The following NFATC3 variants were observed in gnomAD, a reference collection of about 807,000 sequenced individuals.
NFATC3 encodes nuclear factor of activated T-cells, cytoplasmic 3.
A neutral mutation model predicts 98.6 loss-of-function variants in NFATC3; 46 were observed. The observed-to-expected ratio is 0.47, with a 90% confidence interval of 0.37 to 0.60. The LOEUF is 0.60. Ranked by LOEUF, NFATC3 falls within the 20% of genes least tolerant of loss-of-function variation. The probability of loss-of-function intolerance (pLI) is 0.00; values close to 1 mark genes in which losing one functional copy is unlikely to be tolerated. For missense variants in NFATC3, 1,256 were observed against 1,295.5 expected, an observed-to-expected ratio of 0.97 and a Z score of 0.47; for synonymous variants, 512 against 472.2, an observed-to-expected ratio of 1.08 and a Z score of -1.09.
chr16:68,103,221 G>A (rs1271254809), intron 1 of NFATC3, among the ~76,000 whole-genome samples: 1 of 144,754 alleles, frequency 6.9e-6, no homozygotes, highest in Non-Finnish European at 1.5e-5. Flanking sequence ...ATTTTCTTCT[G>A]AGACAAGGTC....
rs139118192 is a variant in NFATC3, at chr16:68,107,210, C to T, written c.104-14777C>T. On this transcript the variant is annotated intron_variant, in intron 1 of 9. Transcript: ENST00000346183. ...TGAATAGTGCTGCAGTAAACATACA[C>T]ATGCATGTATCTTTATAATAGAATG... is the stretch of plus-strand genomic sequence containing the variant. 2.0e-5 allele frequency among the ~76,000 whole-genome samples: 3 copies of T among 152,308 alleles called. No homozygotes were observed. The East Asian group carries it at 5.8e-4, about 29-fold the overall frequency.
rs140603915 is a variant in NFATC3, at chr16:68,154,849, T to C, written c.1402-3020T>C. Among the ~76,000 whole-genome samples, 97 of 152,268 alleles carry C rather than the reference T, an allele frequency of 6.4e-4. No homozygotes were observed. The East Asian group carries it at 0.017, about 26-fold the overall frequency. On this transcript the variant is annotated intron_variant, in intron 3 of 9. Transcript: ENST00000346183. The stretch of plus-strand genomic sequence containing the variant: ...ATGCTGTGTAAACCATCATAGGGAA[T>C]TTGAATTAGTTCTAAATGTGGAGGG...
intron 1 of NFATC3, among the ~76,000 whole-genome samples, chr16:68,103,543 A>G (rs2035482383): frequency 6.6e-6 from 1 of 152,178 alleles, no homozygotes; most frequent in African/African-American, 2.4e-5. Flanking sequence ...GGTGCACAAA[A>G]GTTTTTAATT....
intron 9 of NFATC3, 124 bp from the exon 10 acceptor site, chr16:68,226,226 A>ACACT: frequency 8.4e-7 from 1 of 1,192,862 alleles, no homozygotes; most frequent in Non-Finnish European, 1.1e-6. Context: ...CAGGCTTCAG[A>ACACT]CACTGCCTTT....
At chr16:68,155,639 C>T (rs996814458) in intron 3 of NFATC3, among the ~76,000 whole-genome samples, 8 of 152,148 alleles carry the variant, frequency 5.3e-5, no homozygotes, top group Non-Finnish European at 1.0e-4. Flanking sequence ...AGAGACATTC[C>T]ACCCGCCAGG....
At chr16:68,144,923 G>T (rs1489688567) in intron 3 of NFATC3, among the ~76,000 whole-genome samples, 1 of 152,066 alleles carries the variant, frequency 6.6e-6, no homozygotes, top group Non-Finnish European at 1.5e-5. Context: ...CTCCCAAAGT[G>T]CTGGGATTAC....
At chr16:68,094,193 C>CT (rs2034884469) in intron 1 of NFATC3, among the ~76,000 whole-genome samples, 1 of 152,138 alleles carries the variant, frequency 6.6e-6, no homozygotes, top group Admixed American at 6.6e-5. Flanking sequence ...GCAGTTTACT[C>CT]TAAGGAGAAA....
intron 3 of NFATC3, among the ~76,000 whole-genome samples, chr16:68,137,241 A>G (rs1256741829): frequency 6.6e-6 from 1 of 152,024 alleles, no homozygotes; most frequent in African/African-American, 2.4e-5. Context: ...TTCCATAAAC[A>G]TTTTTCTATG....
intron 9 of NFATC3, among the ~76,000 whole-genome samples, chr16:68,192,447 A>G (rs570293944): frequency 2.6e-5 from 4 of 151,810 alleles, no homozygotes; most frequent in South Asian, 4.2e-4. Context: ...TCCAGAATAT[A>G]TAGTGAGATC....
At chr16:68,207,310 C>CA (rs112021651) in intron 9 of NFATC3, among the ~76,000 whole-genome samples, 1,951 of 114,858 alleles carry the variant, frequency 0.017, 38 homozygotes, top group African/African-American at 0.057. Context: ...AACTCCATCT[C>CA]AAAAAAAAAA....
rs528271637 is a variant in NFATC3, at chr16:68,140,681, A to G, written c.1401+14071A>G. Among the ~76,000 whole-genome samples, 5 of 152,276 alleles carry G rather than the reference A, an allele frequency of 3.3e-5. No homozygotes were observed. The East Asian group carries it at 9.6e-4, about 29-fold the overall frequency. ...TTTTAAATTGGAGATATTTTACCCA[A>G]AAGTCTGTTGAAATAAAAAAAAGGA... On this transcript the variant is annotated intron_variant, in intron 3 of 9. Transcript: ENST00000346183.
chr16:68,208,092 G>A (rs56136165), intron 9 of NFATC3, among the ~76,000 whole-genome samples: 1,990 of 152,008 alleles, frequency 0.013, 42 homozygotes, highest in African/African-American at 0.045. Flanking sequence ...CTGGAGTGTA[G>A]TGGCATGACC....
intron 8 of NFATC3, among the ~76,000 whole-genome samples, chr16:68,189,704 T>G (rs1172810427): frequency 4.6e-5 from 7 of 152,222 alleles, no homozygotes; most frequent in African/African-American, 1.7e-4. Flanking sequence ...TAGTTTTCAG[T>G]TATAAGTCCT....
At chr16:68,135,836 G>T (rs920544696) in intron 3 of NFATC3, among the ~76,000 whole-genome samples, 11 of 152,202 alleles carry the variant, frequency 7.2e-5, no homozygotes, top group Non-Finnish European at 7.3e-5. Flanking sequence ...GCCGAGGCAG[G>T]TGGATCACCC....
At chr16:68,129,201 G>A (rs976236872) in intron 3 of NFATC3, among the ~76,000 whole-genome samples, 1 of 152,134 alleles carries the variant, frequency 6.6e-6, no homozygotes, top group African/African-American at 2.4e-5. Flanking sequence ...GGAATTTGAG[G>A]CTGCAGTGAG....
chr16:68,209,672 C>A (rs759232819), intron 9 of NFATC3: 78 of 408,174 alleles, frequency 1.9e-4, no homozygotes, highest in Non-Finnish European at 3.8e-5. Flanking sequence ...ACCAAATCAA[C>A]CTACTTAAGG....
chr16:68,182,522 TTTTA>T lies in NFATC3; in HGVS notation c.1972-706_1972-703del, dbSNP rs529978997. On this transcript the variant is annotated intron_variant, in intron 7 of 9. Coordinates refer to ENST00000346183, the MANE Select transcript of NFATC3 (RefSeq NM_173165.3). Reference sequence around the variant, plus strand: ...ATTTGGATTATTTTATTTTTTTAATTTTTATTTATTTATTTTTAGATGGAGTCTA... The same window carrying T: ...ATTTGGATTATTTTATTTTTTTAATTTTTATTTATTTTTAGATGGAGTCTA... 2.5e-3 allele frequency among the ~76,000 whole-genome samples: 387 copies of T among 152,302 alleles called. 3 individuals are homozygous for T. The highest frequency in any genetic ancestry group is 8.9e-3 in the African/African-American group (368 of 41,562).
At chr16:68,112,747 T>C (rs2036044839) in intron 1 of NFATC3, among the ~76,000 whole-genome samples, 2 of 145,808 alleles carry the variant, frequency 1.4e-5, no homozygotes, top group Admixed American at 1.4e-4. Context: ...CAAGCTCCGC[T>C]TCCTGGGTTC....
intron 9 of NFATC3, among the ~76,000 whole-genome samples, chr16:68,220,299 A>G (rs2041812035): frequency 6.6e-6 from 1 of 152,012 alleles, no homozygotes; most frequent in Non-Finnish European, 1.5e-5. Context: ...CGAGGTGGCC[A>G]GATCATGTGA....
Sources: gnomAD v4.1 joint callset for allele counts (sites outside exome capture counted in the v4.1 genomes callset) on GRCh38, gnomAD v4.1.1 for gene constraint, MANE v1.5 for transcripts, NCBI Gene and HGNC (gene_info 2026-07-23, HGNC 2026-07-21) for gene names.